Variants in FBH1 observed in about 807,000 individuals in gnomAD.
FBH1 encodes F-box DNA helicase 1.
In FBH1, 43 loss-of-function variants were observed where a neutral mutation model predicts 115.5. The ratio of observed to expected loss-of-function variants is 0.37; its 90% CI spans 0.29 to 0.48. FBH1 has a LOEUF of 0.48. Among genes scored for constraint, FBH1 ranks in the 20% least tolerant of loss-of-function variants. The pLI, the probability that FBH1 is intolerant of heterozygous loss-of-function variation, is 0.99. For missense variants in FBH1, 1,001 were observed against 1,337.3 expected (o/e 0.75, Z 3.92); for synonymous variants, 524 against 507.8 (o/e 1.03, Z -0.43).
Position 5,924,150 on chromosome 10 carries a change from C to T in FBH1, c.2399-161C>T. 1 of 662,132 alleles carries T rather than the reference C, an allele frequency of 1.5e-6. No homozygotes were observed. Among genetic ancestry groups the T allele is most frequent in the Non-Finnish European group, 2.6e-6 (1 of 382,184 alleles). The allele number at this position is 662,132 out of a possible 1,614,324, so 41.0% of individuals were successfully genotyped here. A position where few individuals can be genotyped will look rare whatever the true frequency, so the allele number is the denominator to read the frequency against. On this transcript the variant is annotated intron_variant, in intron 16 of 20. Coordinates refer to ENST00000362091, the MANE Select transcript of FBH1 (RefSeq NM_178150.3). This position sits in a 1 kb window ranked among gnomAD's most constrained non-coding sequence, Gnocchi z 6.2. ...GGCTACTGCACTGCACTGACTTGCC[C>T]AGGGACACACAGCGAGTTAGTGATG...
intron 1 of FBH1, among the ~76,000 whole-genome samples, chr10:5,899,327 T>C (rs914987411): frequency 2.0e-5 from 3 of 152,328 alleles, no homozygotes; most frequent in African/African-American, 7.2e-5. Flanking sequence ...TTGTTTTGTT[T>C]TGTTTTTTTC....
At chr10:5,896,021 A>G (rs151163900) in intron 1 of FBH1, among the ~76,000 whole-genome samples, 2 of 152,322 alleles carry the variant, frequency 1.3e-5, no homozygotes, top group East Asian at 3.9e-4. Flanking sequence ...GAAGATTAAA[A>G]AAAGAAGCCA....
rs1831773117 is a variant in FBH1 at position 5,914,034 on chromosome 10, G to A, written c.1305-144G>A. Reference sequence around the variant, plus strand: ...GCATCAGCATCATAATCTAGCTTTAGAACATGTTTATTCTCGTAAGGGGAG... The same window carrying A: ...GCATCAGCATCATAATCTAGCTTTAAAACATGTTTATTCTCGTAAGGGGAG... On this transcript the variant is annotated intron_variant, in intron 7 of 20. Transcript: ENST00000362091. The surrounding 1 kb of genome is among the most constrained non-coding windows in gnomAD (Gnocchi z 5.2). The A allele has an allele frequency of 3.6e-6, 3 of 836,014 alleles. No individual in the cohort carries two copies. Among genetic ancestry groups the A allele is most frequent in the East Asian group, 2.5e-5 (1 of 39,862 alleles). The allele number at this position is 836,014 out of a possible 1,614,324, so 51.8% of individuals were successfully genotyped here.
Position 5,906,178 on chromosome 10 carries a change from G to T in FBH1, c.299G>T (p.Ser100Ile). 6.2e-7 allele frequency: 1 copy of T among 1,614,232 alleles called. No homozygotes were observed. The highest frequency in any genetic ancestry group is 8.5e-7 in the Non-Finnish European group (1 of 1,180,028). ...GACATGATCTTTCCTGCAGAGAGCAGCTGTGCACTGCCTCAGGAAGGCAGT... is the reference window on the plus strand; with the variant it reads ...GACATGATCTTTCCTGCAGAGAGCATCTGTGCACTGCCTCAGGAAGGCAGT... ...EGDMIFPAES[S>I]CALPQEGSAG... The change falls in exon 3 of 21, where the codon AGC becomes ATC. Residue 100 changes from serine (S) to isoleucine (I), a missense_variant. Ser to Ile is a moderately radical substitution (Grantham distance 142). This residue lies in a region of FBH1 where 420 missense variants were observed against 430.4 expected (regional missense o/e 0.98). Coordinates refer to ENST00000362091, the MANE Select transcript of FBH1 (RefSeq NM_178150.3). This position sits in a 1 kb window ranked among gnomAD's most constrained non-coding sequence, Gnocchi z 7.3.
intron 19 of FBH1, chr10:5,929,813 C>T (rs1196572857): frequency 2.6e-5 from 4 of 152,192 alleles, no homozygotes; most frequent in Non-Finnish European, 5.9e-5. Context: ...ACCAGTACCC[C>T]CAGGAGTTAA....
intron 1 of FBH1, among the ~76,000 whole-genome samples, chr10:5,891,534 A>G (rs774812751): frequency 1.3e-5 from 2 of 152,154 alleles, no homozygotes; most frequent in African/African-American, 4.8e-5. Context: ...TCAGATGACT[A>G]TCTTCTCTTG....
chr10:5,934,014 C>G (rs1052105339), intron 19 of FBH1, among the ~76,000 whole-genome samples: 3 of 152,088 alleles, frequency 2.0e-5, no homozygotes, highest in Admixed American at 6.6e-5. Context: ...TCAGAAGTGT[C>G]GAGTCCAGTC....
chr10:5,906,585 C>G lies in FBH1; in HGVS notation c.706C>G (p.Leu236Val). Residue 236 changes from leucine (L) to valine (V), a missense_variant, in exon 3 of 21, where the codon CTG becomes GTG. Physicochemically the swap from Leu to Val is conservative, Grantham distance 32. This residue lies in a region of FBH1 where 420 missense variants were observed against 430.4 expected (regional missense o/e 0.98). Coordinates refer to ENST00000362091, the MANE Select transcript of FBH1 (RefSeq NM_178150.3). The surrounding 1 kb of genome is among the most constrained non-coding windows in gnomAD (Gnocchi z 7.3). The stretch of plus-strand genomic sequence containing the variant: ...CCCGGTGGAAGACCTCTATTGGAAC[C>G]TGAGCTTGGTGTGCCACTTGTGGAG... Reference protein sequence around the residue: ...FLPVEDLYWNLSLVCHLWREI... With the variant: ...FLPVEDLYWNVSLVCHLWREI... 2.5e-6 allele frequency: 4 copies of G among 1,612,984 alleles called. No homozygotes were observed. The highest frequency in any genetic ancestry group is 3.4e-6 in the Non-Finnish European group (4 of 1,179,838).
rs1040664088 is a variant in FBH1 at position 5,924,990 on chromosome 10, C to T, written c.2597-377C>T. 3.3e-5 allele frequency among the ~76,000 whole-genome samples: 5 copies of T among 152,272 alleles called. No homozygotes were observed. The highest frequency in any genetic ancestry group is 4.1e-4 in the South Asian group (2 of 4,824). ...CTTTATTCTGTTCTACTTTCAAGCC[C>T]GTACAATGGGATTTTCTAGTCCCAG... On this transcript the variant is annotated intron_variant, in intron 17 of 20. Coordinates refer to ENST00000362091, the MANE Select transcript of FBH1 (RefSeq NM_178150.3). The surrounding 1 kb of genome is among the most constrained non-coding windows in gnomAD (Gnocchi z 6.2).
chr10:5,907,702 G>C (rs891121318), intron 3 of FBH1, among the ~76,000 whole-genome samples: 1 of 151,972 alleles, frequency 6.6e-6, no homozygotes, highest in South Asian at 2.1e-4. Context: ...TCAAAGTCCT[G>C]GCCTTAAGTG....
intron 13 of FBH1, among the ~76,000 whole-genome samples, chr10:5,920,493 T>G (rs1589097893): frequency 6.6e-6 from 1 of 152,256 alleles, no homozygotes; most frequent in Admixed American, 6.5e-5. Flanking sequence ...TTTGGAATTC[T>G]TCTGTAAAGG....
intron 1 of FBH1, among the ~76,000 whole-genome samples, chr10:5,890,697 C>T (rs1470126824): frequency 2.0e-5 from 3 of 152,206 alleles, no homozygotes; most frequent in African/African-American, 7.2e-5. Context: ...CCAGGCTTTC[C>T]CGTCTACTCT....
intron 2 of FBH1, among the ~76,000 whole-genome samples, chr10:5,903,708 CTTGT>C (rs1843517194): frequency 6.6e-6 from 1 of 152,128 alleles, no homozygotes; most frequent in African/African-American, 2.4e-5. Context: ...ATCCTATTAG[CTTGT>C]GTAATTATAA....
At position 5,913,015 on chromosome 10, in the gene FBH1, G is replaced by A. The variant is rs1290209390; in HGVS notation, c.1212-732G>A. The stretch of plus-strand genomic sequence containing the variant: ...GCTCTTTTCGCTCTGGGGATGGGGG[G>A]CAGTGCACTCGATTGTTGGGGGAGC... On this transcript the variant is annotated intron_variant, in intron 6 of 20. Transcript: ENST00000362091. The surrounding 1 kb of genome is among the most constrained non-coding windows in gnomAD (Gnocchi z 4.4). Among the ~76,000 whole-genome samples, 2 of 152,252 alleles carry A rather than the reference G, an allele frequency of 1.3e-5. No homozygotes were observed. Among genetic ancestry groups the A allele is most frequent in the South Asian group, 2.1e-4 (1 of 4,820 alleles).
intron 1 of FBH1, chr10:5,894,482 C>A: frequency 8.2e-7 from 1 of 1,213,610 alleles, no homozygotes; most frequent in Non-Finnish European, 1.2e-6. Context: ...GTGTTGGCAC[C>A]ATCACTCATG....
In FBH1 at chr10:5,924,764, C is replaced by A. The variant is rs1444288807; in HGVS notation, c.2596+256C>A. ...TATTTTTTGTAGAGATGGAGTCTCACCATGTTGGCCAGGCTGGTCTCGAAC... is the reference window on the plus strand; with the variant it reads ...TATTTTTTGTAGAGATGGAGTCTCAACATGTTGGCCAGGCTGGTCTCGAAC... On this transcript the variant is annotated intron_variant, in intron 17 of 20. Transcript: ENST00000362091. The surrounding 1 kb of genome is among the most constrained non-coding windows in gnomAD (Gnocchi z 6.2). 3.7e-6 allele frequency: 2 copies of A among 536,910 alleles called. No homozygotes were observed. Among genetic ancestry groups the A allele is most frequent in the Middle Eastern group, 4.1e-4 (1 of 2,416 alleles). The allele number at this position is 536,910 out of a possible 1,614,324, so 33.3% of individuals were successfully genotyped here. A position where few individuals can be genotyped will look rare whatever the true frequency, so the allele number is the denominator to read the frequency against.
chr10:5,930,151 A>G (rs1463902068), intron 19 of FBH1, among the ~76,000 whole-genome samples: 1 of 152,228 alleles, frequency 6.6e-6, no homozygotes, highest in African/African-American at 2.4e-5. Context: ...TCCAAAAAAT[A>G]TGTACTTTTT....
rs755158630 is a variant in FBH1 at position 5,936,413 on chromosome 10, G to A, written c.2830-43G>A. ...ATCAGTGTTTCCAGTAGACCCTAACGGAGGTGTCGCCATGACTCTCTTTCT... is the reference window on the plus strand; with the variant it reads ...ATCAGTGTTTCCAGTAGACCCTAACAGAGGTGTCGCCATGACTCTCTTTCT... On this transcript the variant is annotated intron_variant, in intron 19 of 20. Transcript: ENST00000362091. This position sits in a 1 kb window ranked among gnomAD's most constrained non-coding sequence, Gnocchi z 5.6. The A allele has an allele frequency of 3.7e-6, 6 of 1,604,466 alleles. No individual in the cohort carries two copies. Among genetic ancestry groups the A allele is most frequent in the East Asian group, 4.5e-5 (2 of 44,536 alleles).
Position 5,925,201 on chromosome 10 carries a change from G to C in FBH1, c.2597-166G>C, listed in dbSNP as rs538695687. On this transcript the variant is annotated intron_variant, in intron 17 of 20. Coordinates refer to ENST00000362091, the MANE Select transcript of FBH1 (RefSeq NM_178150.3). The surrounding 1 kb of genome is among the most constrained non-coding windows in gnomAD (Gnocchi z 4.6). The stretch of plus-strand genomic sequence containing the variant: ...CTTTTTCTTTTTTCTGTTCCCGACA[G>C]TTGTCTGTTCCCGACAGTTGTTTCC... 2 of 803,264 alleles carry C rather than the reference G, an allele frequency of 2.5e-6. No homozygotes were observed. Among genetic ancestry groups the C allele is most frequent in the South Asian group, 3.7e-5 (2 of 53,486 alleles). 49.8% of individuals were successfully genotyped at this position (803,264 alleles called of 1,614,324 possible).
Sources: allele counts gnomAD v4.1 joint callset (sites outside exome capture counted in the v4.1 genomes callset), GRCh38; gene constraint gnomAD v4.1.1; regional missense constraint gnomAD v4.1.1; non-coding constraint Gnocchi (gnomAD v3.1); transcripts MANE v1.5; gene names NCBI Gene and HGNC (gene_info 2026-07-23, HGNC 2026-07-21).